The following RAPGEF4 variants were observed in gnomAD, a reference collection of about 807,000 sequenced individuals.
RAPGEF4 encodes the protein RAP guanine-nucleotide-exchange factor (GEF) 4.
In RAPGEF4, 66 loss-of-function variants were observed where a neutral mutation model predicts 147.9. The observed-to-expected ratio is 0.45, with a 90% CI of 0.37 to 0.55. The LOEUF (loss-of-function observed/expected upper bound fraction) is 0.55. Among genes scored for constraint, RAPGEF4 ranks in the 20% least tolerant of loss-of-function variants. The probability of loss-of-function intolerance (pLI) is 0.00; values close to 1 mark genes in which losing one functional copy is unlikely to be tolerated. For missense variants in RAPGEF4, 1,071 were observed against 1,257.3 expected, an observed-to-expected ratio of 0.85 and a Z score of 2.24; for synonymous variants, 419 against 442.7, an observed-to-expected ratio of 0.95 and a Z score of 0.67.
intron 4 of RAPGEF4, among the ~76,000 whole-genome samples, chr2:172,851,415 GT>G (rs1321626509): frequency 1.3e-5 from 2 of 152,100 alleles, no homozygotes; most frequent in Non-Finnish European, 1.5e-5. Context: ...AAGTTCTGTT[GT>G]TTTGGGGTGG....
intron 7 of RAPGEF4, 25 bp downstream of exon 7, chr2:172,960,838 G>A: frequency 6.4e-7 from 1 of 1,564,642 alleles, no homozygotes; most frequent in Non-Finnish European, 8.7e-7. Flanking sequence ...GTGGGTTGAT[G>A]AGCCATTGAG....
rs1173617187 is a variant in RAPGEF4, at chr2:173,024,256, C to T, written c.2254-2316C>T. Among the ~76,000 whole-genome samples, 5 of 135,174 alleles carry T rather than the reference C, an allele frequency of 3.7e-5. 1 individual carries two copies. The highest frequency in any genetic ancestry group is 2.4e-4 in the Admixed American group (3 of 12,622). The allele number at this position is 135,174 out of a possible 152,430, so 88.7% of individuals were successfully genotyped here. ...TTTTTGAGACGGAGTCTCGCTCTGT[C>T]GCCCAGGCTGGAGTGCAGTGGCGGG... On this transcript the variant is annotated intron_variant, in intron 23 of 30. Coordinates refer to ENST00000397081, the MANE Select transcript of RAPGEF4 (RefSeq NM_007023.4).
chr2:172,825,036 A>G (rs1424759187), intron 4 of RAPGEF4, among the ~76,000 whole-genome samples: 2 of 152,214 alleles, frequency 1.3e-5, no homozygotes, highest in Non-Finnish European at 2.9e-5. Flanking sequence ...GAGCATGCCT[A>G]TTGCTTCTGG....
intron 4 of RAPGEF4, among the ~76,000 whole-genome samples, chr2:172,876,742 A>G (rs924680192): frequency 2.0e-5 from 3 of 152,204 alleles, no homozygotes; most frequent in African/African-American, 4.8e-5. Flanking sequence ...GGGCTTTGGT[A>G]TCAGGATGAT....
At chr2:172,836,555 G>A (rs1242007786) in intron 4 of RAPGEF4, among the ~76,000 whole-genome samples, 5 of 152,200 alleles carry the variant, frequency 3.3e-5, no homozygotes, top group Non-Finnish European at 2.9e-5. Flanking sequence ...CTGAGGTGTG[G>A]CGTCCTTTTG....
intron 10 of RAPGEF4, among the ~76,000 whole-genome samples, chr2:172,975,358 C>T (rs1183952086): frequency 5.9e-5 from 9 of 152,246 alleles, no homozygotes; most frequent in East Asian, 1.9e-4. Flanking sequence ...GTCTCACATC[C>T]GTCCCCTCTT....
chr2:172,823,618 C>T (rs1045772120), intron 4 of RAPGEF4, among the ~76,000 whole-genome samples: 14 of 152,228 alleles, frequency 9.2e-5, no homozygotes, highest in African/African-American at 2.2e-4. Flanking sequence ...ACTCCTGAGT[C>T]GTCTCTGGGC....
At chr2:173,045,439 C>G (rs1023282173) in intron 29 of RAPGEF4, among the ~76,000 whole-genome samples, 3 of 152,190 alleles carry the variant, frequency 2.0e-5, no homozygotes, top group Admixed American at 2.0e-4. Context: ...AGAACCAAAA[C>G]TGTCTTATGA....
intron 4 of RAPGEF4, among the ~76,000 whole-genome samples, chr2:172,864,017 T>TAACATA (rs1476190786): frequency 6.6e-6 from 1 of 152,228 alleles, no homozygotes; most frequent in Non-Finnish European, 1.5e-5. Flanking sequence ...CAGGGTTAAC[T>TAACATA]ACAAGATGAT....
At chr2:172,879,403 T>C (rs115053596) in intron 4 of RAPGEF4, among the ~76,000 whole-genome samples, 311 of 152,296 alleles carry the variant, frequency 2.0e-3, no homozygotes, top group African/African-American at 7.1e-3. Context: ...AATACACAGA[T>C]AAAGTCATGT....
intron 25 of RAPGEF4, 39 bp from the exon 26 acceptor site, chr2:173,030,125 A>G: frequency 1.4e-6 from 2 of 1,383,190 alleles, no homozygotes; most frequent in Non-Finnish European, 1.0e-6. Flanking sequence ...CTCACACAGA[A>G]GTAACATTTT....
chr2:173,036,277 C>A lies in RAPGEF4; in HGVS notation c.2788+65C>A. On this transcript the variant is annotated intron_variant, in intron 28 of 30. Coordinates refer to ENST00000397081, the MANE Select transcript of RAPGEF4 (RefSeq NM_007023.4). ...TATTTGGGGAGGGAAATGAACAATA[C>A]CTTGATAAGATTGATTACTTAGGGA... The A allele has an allele frequency of 5.6e-6, 7 of 1,244,400 alleles. No homozygotes were observed. The South Asian group carries it at 7.3e-5, about 13-fold the overall frequency. 77.1% of individuals were successfully genotyped at this position (1,244,400 alleles called of 1,614,324 possible).
intron 4 of RAPGEF4, among the ~76,000 whole-genome samples, chr2:172,904,952 C>T (rs1428352934): frequency 2.0e-5 from 3 of 152,038 alleles, no homozygotes; most frequent in Non-Finnish European, 2.9e-5. Flanking sequence ...AAATTCTTCC[C>T]GTGACCTGCA....
At chr2:172,879,359 C>G (rs1696340546) in intron 4 of RAPGEF4, among the ~76,000 whole-genome samples, 1 of 152,062 alleles carries the variant, frequency 6.6e-6, no homozygotes, top group African/African-American at 2.4e-5. Context: ...AACCTAAAGC[C>G]ATAGCTTTGT....
chr2:172,936,357 C>T (rs565458305), intron 6 of RAPGEF4, among the ~76,000 whole-genome samples: 217 of 152,250 alleles, frequency 1.4e-3, no homozygotes, highest in African/African-American at 4.6e-3. Context: ...ATAAGTGAGA[C>T]TCTATCCCCT....
At chr2:172,746,897 G>C (rs1402498257) in intron 1 of RAPGEF4, among the ~76,000 whole-genome samples, 1 of 152,196 alleles carries the variant, frequency 6.6e-6, no homozygotes, top group African/African-American at 2.4e-5. Context: ...ACAGGCTTGA[G>C]CCACTGCGCC....
At chr2:173,018,921 T>C (rs926172774) in intron 22 of RAPGEF4, 119 bp downstream of exon 22, 3 of 1,127,124 alleles carry the variant, frequency 2.7e-6, no homozygotes, top group Admixed American at 2.3e-5. Context: ...CTGGTGCTTA[T>C]GTATGCTTCC....
intron 10 of RAPGEF4, among the ~76,000 whole-genome samples, chr2:172,972,581 T>C (rs1412322727): frequency 2.0e-5 from 3 of 152,230 alleles, no homozygotes; most frequent in Non-Finnish European, 2.9e-5. Flanking sequence ...AGTGAAAGCT[T>C]GTAGAATTTA....
chr2:172,836,526 A>G (rs1422384082), intron 4 of RAPGEF4, among the ~76,000 whole-genome samples: 1 of 152,214 alleles, frequency 6.6e-6, no homozygotes, highest in Non-Finnish European at 1.5e-5. Context: ...AACACTGCTT[A>G]GGTAAGAAGG....
Sources: allele counts gnomAD v4.1 joint callset (sites outside exome capture counted in the v4.1 genomes callset), GRCh38; gene constraint gnomAD v4.1.1; transcripts MANE v1.5; gene names NCBI Gene and HGNC (gene_info 2026-07-23, HGNC 2026-07-21).